Variants in EML6 observed in about 807,000 individuals in gnomAD.
EML6 encodes the protein EMAP like 6, also known as echinoderm microtubule-associated protein-like 6.
A neutral mutation model predicts 240.1 loss-of-function variants in EML6; 154 were observed. The ratio of observed to expected loss-of-function variants is 0.64; its 90% CI spans 0.56 to 0.73. The LOEUF (loss-of-function observed/expected upper bound fraction) is 0.73, where lower values mean the gene tolerates loss of function less well. EML6 is among the 30% of genes least tolerant of loss of function. The probability of loss-of-function intolerance (pLI) is 0.00; values close to 1 mark genes in which losing one functional copy is unlikely to be tolerated. For missense variants in EML6, 2,964 were observed against 2,474.6 expected, an observed-to-expected ratio of 1.20 and a Z score of -4.20; for synonymous variants, 1,148 against 899.0, an observed-to-expected ratio of 1.28 and a Z score of -4.95.
Position 54,813,326 on chromosome 2 carries a change from G to C in EML6, c.292G>C (p.Val98Leu). 1.9e-6 allele frequency: 3 copies of C among 1,551,524 alleles called. No homozygotes were observed. The highest frequency in any genetic ancestry group is 1.4e-5 in the African/African-American group (1 of 73,162). ...CIWDSYNVQT[V>L]SLLKDVHTHG... ...ATGGGATTCCTATAATGTCCAGACTGTGTCTCTTCTTAAAGATGTCCATAC... is the reference window on the plus strand; with the variant it reads ...ATGGGATTCCTATAATGTCCAGACTCTGTCTCTTCTTAAAGATGTCCATAC... Residue 98 changes from valine (V) to leucine (L), a missense_variant, in exon 3 of 42, where the codon GTG becomes CTG. Val to Leu is a conservative substitution (Grantham distance 32). Transcript: ENST00000356458.
In EML6 at chr2:54,887,297, C is replaced by A. The variant is rs567886297; in HGVS notation, c.2439-3757C>A. ...GTTCAGGGTTCAAAGTGGCAATTTT[C>A]TAATTTTATCATTCATTCTTCACGT... On this transcript the variant is annotated intron_variant, in intron 17 of 41. Coordinates refer to ENST00000356458, the MANE Select transcript of EML6 (RefSeq NM_001039753.4). Among the ~76,000 whole-genome samples, 124 of 152,302 alleles carry A rather than the reference C, an allele frequency of 8.1e-4. 1 individual carries two copies. Among genetic ancestry groups the A allele is most frequent in the Middle Eastern group, 3.4e-3 (1 of 294 alleles).
chr2:54,784,103 A>G (rs1242275549), intron 2 of EML6, among the ~76,000 whole-genome samples: 3 of 151,938 alleles, frequency 2.0e-5, no homozygotes, highest in Admixed American at 6.6e-5. Flanking sequence ...TGTGCTACTC[A>G]TGCCTAATTA....
chr2:54,858,021 T>TA (rs1670479192), intron 11 of EML6, among the ~76,000 whole-genome samples: 1 of 152,382 alleles, frequency 6.6e-6, no homozygotes, highest in Middle Eastern at 3.4e-3. Context: ...ACATTTATTA[T>TA]ATCATGGTTT....
chr2:54,918,987 C>G (rs1674077213), intron 26 of EML6, among the ~76,000 whole-genome samples: 1 of 152,150 alleles, frequency 6.6e-6, no homozygotes. Flanking sequence ...TTTTCCGGAG[C>G]CTATTTGTTT....
intron 18 of EML6, among the ~76,000 whole-genome samples, chr2:54,891,554 C>T (rs1015814918): frequency 2.6e-5 from 4 of 152,166 alleles, no homozygotes; most frequent in African/African-American, 9.7e-5. Context: ...AACCCTGAGT[C>T]TGCCCACAAA....
In EML6 at chr2:54,961,184, G is replaced by GTTGTTTTTTTTTTTTTGTTTTTTTTTTT; in HGVS notation, c.4968+852_4968+853insGTTTTTTTTTTTTTGTTTTTTTTTTTTT. 4.9e-4 allele frequency among the ~76,000 whole-genome samples: 27 copies of GTTGTTTTTTTTTTTTTGTTTTTTTTTTT among 55,414 alleles called. 6 individuals carry two copies. The East Asian group carries it at 5.1e-3, about 10-fold the overall frequency. 36.4% of individuals were successfully genotyped at this position (55,414 alleles called of 152,430 possible). A position where few individuals can be genotyped will look rare whatever the true frequency, so the allele number is the denominator to read the frequency against. ...GGAGCCTGGAAGTTATCAGGAAGTA[G>GTTGTTTTTTTTTTTTTGTTTTTTTTTTT]TTTTTTTTTTTTTTTTTTTGAGACG... On this transcript the variant is annotated intron_variant, in intron 35 of 41. Coordinates refer to ENST00000356458, the MANE Select transcript of EML6 (RefSeq NM_001039753.4).
At chr2:54,962,243 A>T (rs1350138516) in intron 35 of EML6, among the ~76,000 whole-genome samples, 1 of 151,950 alleles carries the variant, frequency 6.6e-6, no homozygotes, top group Non-Finnish European at 1.5e-5. Flanking sequence ...AACTGTGGCC[A>T]AATAGACATA....
chr2:54,948,999 C>G (rs1254543163), intron 29 of EML6, 39 bp downstream of exon 29: 2 of 1,409,844 alleles, frequency 1.4e-6, no homozygotes, highest in African/African-American at 1.4e-5. Flanking sequence ...TATTGACGTT[C>G]TAAGACATAC....
chr2:54,967,712 G>T (rs755972778), intron 39 of EML6, among the ~76,000 whole-genome samples: 6 of 152,172 alleles, frequency 3.9e-5, no homozygotes, highest in Non-Finnish European at 7.3e-5. Context: ...CCACATGGCT[G>T]TACTGAATTA....
rs552805237 is a variant in EML6 at position 54,734,023 on chromosome 2, C to G, written c.197+8765C>G. Among the ~76,000 whole-genome samples the G allele has an allele frequency of 3.9e-5, 6 of 152,226 alleles. No individual in the cohort carries two copies. The South Asian group carries it at 1.2e-3, about 32-fold the overall frequency. On this transcript the variant is annotated intron_variant, in intron 2 of 41. Transcript: ENST00000356458. ...ACAAGAAAAGGTAAGTAAAGGGATA[C>G]TAAAAGGGCTTACATTAAAAATATT...
chr2:54,861,195 C>T (rs1670653696), intron 12 of EML6, among the ~76,000 whole-genome samples: 2 of 152,182 alleles, frequency 1.3e-5, no homozygotes, highest in African/African-American at 4.8e-5. Flanking sequence ...TTTGCTCTGG[C>T]TCGCCCCAGT....
intron 2 of EML6, among the ~76,000 whole-genome samples, chr2:54,751,269 G>A (rs542216028): frequency 2.2e-4 from 33 of 152,312 alleles, no homozygotes; most frequent in African/African-American, 7.7e-4. Context: ...CTGGTGTGGA[G>A]GACAGGGATC....
intron 17 of EML6, among the ~76,000 whole-genome samples, chr2:54,889,626 C>G (rs1254747049): frequency 6.6e-6 from 1 of 151,758 alleles, no homozygotes; most frequent in Non-Finnish European, 1.5e-5. Flanking sequence ...ATTTGGTATT[C>G]AATTTTATAT....
rs1271944064 is a variant in EML6 at position 54,962,557 on chromosome 2, T to C, written c.5003T>C (p.Ile1668Thr). 1 of 1,548,316 alleles carries C rather than the reference T, an allele frequency of 6.5e-7. No homozygotes were observed. The highest frequency in any genetic ancestry group is 8.7e-7 in the Non-Finnish European group (1 of 1,145,584). ...KILVGTKDGE[I>T]IEVGEKNAAS... The stretch of plus-strand genomic sequence containing the variant: ...TTAGTGGGAACCAAAGACGGAGAAA[T>C]AATTGAAGTTGGTGAAAAAAATGCT... The change falls in exon 36 of 42, where the codon ATA (isoleucine) becomes ACA (threonine). Residue 1668 changes from isoleucine to threonine, a missense_variant. Transcript: ENST00000356458.
rs554382114 is a variant in EML6, at chr2:54,895,155, G to A, written c.2855-118G>A. 5 of 1,332,252 alleles carry A rather than the reference G, an allele frequency of 3.8e-6. No individual in the cohort carries two copies. The African/African-American group carries it at 7.4e-5, about 20-fold the overall frequency. 82.5% of individuals were successfully genotyped at this position (1,332,252 alleles called of 1,614,324 possible). On this transcript the variant is annotated intron_variant, in intron 20 of 41. Transcript: ENST00000356458. ...TCCATGTTTAGAACTCTCTTCCTCT[G>A]GTAGAAATGTCAAGGCTGACTGCCT... is the stretch of plus-strand genomic sequence containing the variant.
intron 22 of EML6, among the ~76,000 whole-genome samples, chr2:54,901,566 C>T (rs1461432650): frequency 6.6e-6 from 1 of 152,198 alleles, no homozygotes; most frequent in African/African-American, 2.4e-5. Flanking sequence ...CCCTGTTGTT[C>T]TGGTATAATT....
chr2:54,740,791 G>A (rs1168004679), intron 2 of EML6, among the ~76,000 whole-genome samples: 1 of 151,508 alleles, frequency 6.6e-6, no homozygotes, highest in Admixed American at 6.6e-5. Flanking sequence ...CTATTTTTCT[G>A]CAGAGTAGAT....
chr2:54,886,624 C>G (rs2104042692), intron 17 of EML6, among the ~76,000 whole-genome samples: 1 of 152,290 alleles, frequency 6.6e-6, no homozygotes, highest in South Asian at 2.1e-4. Flanking sequence ...TATTGTCTGT[C>G]ATTTTTATTA....
intron 7 of EML6, among the ~76,000 whole-genome samples, chr2:54,837,582 A>G (rs1295030520): frequency 6.6e-6 from 1 of 152,134 alleles, no homozygotes; most frequent in Non-Finnish European, 1.5e-5. Context: ...TCATTTGCTC[A>G]TCATCTTTGG....
Sources: allele counts gnomAD v4.1 joint callset (sites outside exome capture counted in the v4.1 genomes callset), GRCh38; gene constraint gnomAD v4.1.1; transcripts MANE v1.5; gene names NCBI Gene and HGNC (gene_info 2026-07-23, HGNC 2026-07-21).